The following STARD13 variants were observed in gnomAD, a reference collection of about 807,000 sequenced individuals.
STARD13 encodes StAR related lipid transfer domain containing 13.
A neutral mutation model predicts 106.4 loss-of-function variants in STARD13; 62 were observed. The observed-to-expected ratio is 0.58, with a 90% CI of 0.48 to 0.72. The LOEUF (loss-of-function observed/expected upper bound fraction) is 0.72, where lower values mean the gene tolerates loss of function less well. STARD13 is among the 30% of genes least tolerant of loss of function. The pLI is 0.00. For synonymous variants in STARD13, 565 were observed against 553.0 expected (o/e 1.02, Z -0.31); for missense variants, 1,387 against 1,424.0 (o/e 0.97, Z 0.42).
At chr13:33,605,191 A>G in the STARD13 span, among the ~76,000 whole-genome samples, 1 of 150,404 alleles carries the variant, frequency 6.6e-6, no homozygotes, top group African/African-American at 2.5e-5. Flanking sequence ...GTGAGCCATG[A>G]CAGTACCACT....
the STARD13 span, among the ~76,000 whole-genome samples, chr13:33,523,121 T>C: frequency 6.6e-6 from 1 of 152,124 alleles, no homozygotes; most frequent in African/African-American, 2.4e-5. Flanking sequence ...ACTTAGCTCC[T>C]TTCCTCCTGA....
the STARD13 span, among the ~76,000 whole-genome samples, chr13:33,465,923 T>C: frequency 6.6e-6 from 1 of 152,198 alleles, no homozygotes; most frequent in Non-Finnish European, 1.5e-5. Flanking sequence ...TATACCTATA[T>C]ATATGAATAA....
intron 1 of STARD13, among the ~76,000 whole-genome samples, chr13:33,219,518 C>CAAAAAAAAAA (rs55933962): frequency 1.6e-5 from 1 of 61,212 alleles, no homozygotes; most frequent in African/African-American, 6.6e-5. Flanking sequence ...GACTCCTTCT[C>CAAAAAAAAAA]AAAAAAAAAA....
chr13:33,156,741 G>T (rs893642305), intron 3 of STARD13, among the ~76,000 whole-genome samples: 1 of 152,128 alleles, frequency 6.6e-6, no homozygotes, highest in Admixed American at 6.5e-5. Context: ...GTTACCATGA[G>T]AATTTAATGA....
chr13:33,241,775 C>T lies in STARD13; in HGVS notation c.169+43695G>A, dbSNP rs1027050349. 1.1e-3 allele frequency among the ~76,000 whole-genome samples: 173 copies of T among 152,268 alleles called. 1 individual carries two copies. Among genetic ancestry groups the T allele is most frequent in the African/African-American group, 3.8e-3 (159 of 41,562 alleles). ...CGGGCTGGTCTCCAGCTCCTGACCG[C>T]GAGTGATCTGCCAGCCTCAGCCTCC... is the stretch of plus-strand genomic sequence containing the variant. On this transcript the variant is annotated intron_variant, in intron 1 of 13. Transcript: ENST00000336934.
chr13:33,323,286 C>G (rs1029792790), intron 1 of STARD13, among the ~76,000 whole-genome samples: 1 of 152,154 alleles, frequency 6.6e-6, no homozygotes, highest in African/African-American at 2.4e-5. Flanking sequence ...GCCTTGTACG[C>G]CCTTCCTAAC....
chr13:33,209,459 C>CTTTTTT (rs59609576), intron 1 of STARD13, among the ~76,000 whole-genome samples: 72 of 149,022 alleles, frequency 4.8e-4, no homozygotes, highest in African/African-American at 1.8e-3. Context: ...CTCTCTCTCT[C>CTTTTTT]TTTTTTTTTT....
intron 3 of STARD13, among the ~76,000 whole-genome samples, chr13:33,149,302 G>C (rs1033087006): frequency 2.0e-5 from 3 of 152,172 alleles, no homozygotes; most frequent in African/African-American, 7.2e-5. Context: ...GCCTGTGTGG[G>C]AACAGGCTAT....
the STARD13 span, among the ~76,000 whole-genome samples, chr13:33,377,462 G>C: frequency 1.3e-5 from 2 of 152,158 alleles, no homozygotes; most frequent in Non-Finnish European, 2.9e-5. Flanking sequence ...TATCTATCCA[G>C]AATTGTCGGT....
chr13:33,348,618 T>G (rs1445234313), exon 2 of STARD13: 1 of 154,028 alleles, frequency 6.5e-6, no homozygotes, highest in East Asian at 1.9e-4. Flanking sequence ...TCTGAAGTTA[T>G]GAAGCAACAA....
At chr13:33,548,034 C>G in the STARD13 span, among the ~76,000 whole-genome samples, 6 of 152,164 alleles carry the variant, frequency 3.9e-5, no homozygotes. Context: ...CACTATAACT[C>G]TGATCTCCTA....
chr13:33,413,407 A>T, the STARD13 span, among the ~76,000 whole-genome samples: 1 of 152,132 alleles, frequency 6.6e-6, no homozygotes, highest in Non-Finnish European at 1.5e-5. Flanking sequence ...GAAATAATAA[A>T]GACGAGAGCA....
the STARD13 span, among the ~76,000 whole-genome samples, chr13:33,535,236 A>G: frequency 2.0e-5 from 3 of 152,086 alleles, no homozygotes; most frequent in Admixed American, 2.0e-4. Context: ...AAAAAGGAGA[A>G]CCAAATGGGT....
the STARD13 span, among the ~76,000 whole-genome samples, chr13:33,443,100 T>C: frequency 6.6e-6 from 1 of 152,030 alleles, no homozygotes; most frequent in Non-Finnish European, 1.5e-5. Context: ...TAGGATGGGC[T>C]GGGCGCAGTG....
At chr13:33,572,141 T>C in the STARD13 span, among the ~76,000 whole-genome samples, 1 of 152,204 alleles carries the variant, frequency 6.6e-6, no homozygotes, top group Non-Finnish European at 1.5e-5. Flanking sequence ...CAACTGTCCC[T>C]AGTCTCCCTT....
chr13:33,614,635 A>G, the STARD13 span, among the ~76,000 whole-genome samples: 2 of 152,322 alleles, frequency 1.3e-5, no homozygotes, highest in Admixed American at 1.3e-4. Context: ...AAACAAAACA[A>G]AACAGGGTAA....
At chr13:33,443,888 CAAAAAAAAAAAA>C in the STARD13 span, among the ~76,000 whole-genome samples, 1 of 50,188 alleles carries the variant, frequency 2.0e-5, no homozygotes, top group Non-Finnish European at 4.5e-5. Flanking sequence ...GACTCAGTCT[CAAAAAAAAAAAA>C]AAAAAAAAAA....
chr13:33,557,100 A>G, the STARD13 span, among the ~76,000 whole-genome samples: 1 of 152,182 alleles, frequency 6.6e-6, no homozygotes, highest in African/African-American at 2.4e-5. Flanking sequence ...AATTCACAAG[A>G]GATAAGAAGT....
intron 1 of STARD13, among the ~76,000 whole-genome samples, chr13:33,278,890 A>G (rs1891601400): frequency 6.6e-6 from 1 of 152,124 alleles, no homozygotes; most frequent in Non-Finnish European, 1.5e-5. Context: ...CTTTAGTTAT[A>G]TATTCTTCTA....
Sources: gnomAD v4.1 joint callset for allele counts (sites outside exome capture counted in the v4.1 genomes callset) on GRCh38, gnomAD v4.1.1 for gene constraint, MANE v1.5 for transcripts, NCBI Gene and HGNC (gene_info 2026-07-23, HGNC 2026-07-21) for gene names.